The following LRRIQ1 variants were observed in gnomAD, a reference collection of about 807,000 sequenced individuals.
LRRIQ1 encodes leucine rich repeats and IQ motif containing 1, also known as leucine-rich repeat- and IQ domain-containing protein 1.
A neutral mutation model predicts 211.9 loss-of-function variants in LRRIQ1; 210 were observed. That is an observed-to-expected ratio of 0.99 (90% CI 0.89 to 1.11). The LOEUF is 1.11. Ranked by LOEUF, LRRIQ1 falls within the 50% of genes most tolerant of loss-of-function variation. The probability of loss-of-function intolerance (pLI) is 0.00; values close to 1 mark genes in which losing one functional copy is unlikely to be tolerated. For missense variants in LRRIQ1, 2,136 were observed against 1,939.5 expected (o/e 1.10, Z -1.90); for synonymous variants, 699 against 650.1 (o/e 1.08, Z -1.14).
At position 85,056,978 on chromosome 12, in the gene LRRIQ1, G is replaced by A. The variant is rs775456418; in HGVS notation, c.2185G>A (p.Val729Ile). ...TGAACCTGATAGCATGACCTGCTGT[G>A]TATCAGAGTCAACCCTTCTATATTC... ...APEPDSMTCC[V>I]SESTLLYSIE... The change falls in exon 8 of 27, where the codon GTA becomes ATA. Residue 729 changes from valine to isoleucine, a missense_variant. Physicochemically the swap from Val to Ile is conservative, Grantham distance 29 (BLOSUM62 3). Transcript: ENST00000393217. 1.1e-5 allele frequency: 18 copies of A among 1,610,302 alleles called. No homozygotes were observed. In the South Asian group the frequency reaches 1.4e-4, roughly 13 times the overall value.
intron 24 of LRRIQ1, among the ~76,000 whole-genome samples, chr12:85,184,461 G>A (rs1397520773): frequency 1.3e-5 from 2 of 151,964 alleles, no homozygotes; most frequent in African/African-American, 2.4e-5. Flanking sequence ...ATATAGATGT[G>A]TATGTGTATT....
intron 11 of LRRIQ1, among the ~76,000 whole-genome samples, chr12:85,087,556 AC>A (rs2136207520): frequency 6.6e-6 from 1 of 152,328 alleles, no homozygotes; most frequent in South Asian, 2.1e-4. Flanking sequence ...TTACAGTCCC[AC>A]CAACAGTGTA....
At chr12:85,163,060 G>A (rs1890977972) in intron 24 of LRRIQ1, among the ~76,000 whole-genome samples, 1 of 152,034 alleles carries the variant, frequency 6.6e-6, no homozygotes, top group Non-Finnish European at 1.5e-5. Flanking sequence ...CTGCTGCTCT[G>A]GAATTATTCA....
intron 24 of LRRIQ1, among the ~76,000 whole-genome samples, chr12:85,198,729 G>C (rs1194653006): frequency 6.6e-6 from 1 of 151,826 alleles, no homozygotes; most frequent in Non-Finnish European, 1.5e-5. Context: ...CTCCATGCTC[G>C]GCTAATTTTT....
chr12:85,164,701 GT>G, intron 24 of LRRIQ1, among the ~76,000 whole-genome samples: 1 of 152,124 alleles, frequency 6.6e-6, no homozygotes, highest in East Asian at 1.9e-4. Context: ...TAAAACAGTA[GT>G]ATTGAGAGAT....
intron 19 of LRRIQ1, among the ~76,000 whole-genome samples, chr12:85,139,998 GA>G (rs1287135655): frequency 2.8e-5 from 4 of 140,430 alleles, no homozygotes; most frequent in Admixed American, 7.5e-5. Flanking sequence ...TTATTCTCAG[GA>G]AAAAAAACTG....
rs190835206 is a variant in LRRIQ1, at chr12:85,152,607, A to G, written c.4419+238A>G. On this transcript the variant is annotated intron_variant, in intron 20 of 26. Transcript: ENST00000393217. ...TTTATTTCACAGTAGCAAAAGAAAA[A>G]AAATGATATGCTTCAGCTGCATATT... is the stretch of plus-strand genomic sequence containing the variant. 2.4e-4 allele frequency among the ~76,000 whole-genome samples: 36 copies of G among 151,822 alleles called. No individual in the cohort carries two copies. The East Asian group carries it at 5.1e-3, about 21-fold the overall frequency.
At chr12:85,038,856 G>T (rs906786571) in intron 2 of LRRIQ1, among the ~76,000 whole-genome samples, 6 of 151,164 alleles carry the variant, frequency 4.0e-5, no homozygotes, top group Non-Finnish European at 8.9e-5. Context: ...GATAGTTATT[G>T]TACATATGAT....
At chr12:85,115,917 G>A (rs1244569634) in intron 15 of LRRIQ1, among the ~76,000 whole-genome samples, 22 of 152,010 alleles carry the variant, frequency 1.4e-4, no homozygotes, top group Admixed American at 1.4e-3. Flanking sequence ...TGTTAAAGTA[G>A]CTCTTCATTT....
chr12:85,189,566 A>G (rs1180995812), intron 24 of LRRIQ1, among the ~76,000 whole-genome samples: 1 of 151,952 alleles, frequency 6.6e-6, no homozygotes, highest in Non-Finnish European at 1.5e-5. Context: ...ATTAAGAAGC[A>G]TAAAGGTATA....
At chr12:85,141,328 C>T (rs1000532987) in intron 19 of LRRIQ1, among the ~76,000 whole-genome samples, 1 of 151,010 alleles carries the variant, frequency 6.6e-6, no homozygotes. Context: ...GAGGGGCATT[C>T]TATGAGGTAT....
chr12:85,192,540 AATAT>A (rs530480198), intron 24 of LRRIQ1, among the ~76,000 whole-genome samples: 1 of 54,090 alleles, frequency 1.8e-5, no homozygotes, highest in East Asian at 2.6e-4. Context: ...ATTATATATA[AATAT>A]ATATAGTTAT....
downstream of LRRIQ1, among the ~76,000 whole-genome samples, chr12:85,245,959 C>T (rs1895699836): frequency 6.6e-6 from 1 of 150,912 alleles, no homozygotes; most frequent in Non-Finnish European, 1.5e-5. Flanking sequence ...TTCAGTGATC[C>T]AGATTGTGCT....
intron 24 of LRRIQ1, among the ~76,000 whole-genome samples, chr12:85,164,291 A>T (rs1189001556): frequency 6.6e-6 from 1 of 151,976 alleles, no homozygotes; most frequent in African/African-American, 2.4e-5. Flanking sequence ...ATTAGTGTAG[A>T]TTCTGGAGTT....
chr12:85,225,266 C>T (rs969832515), intron 24 of LRRIQ1, among the ~76,000 whole-genome samples: 5 of 152,216 alleles, frequency 3.3e-5, no homozygotes, highest in Admixed American at 6.5e-5. Context: ...CATTTCCTAT[C>T]AGGGACTTGA....
chr12:85,098,318 G>A, intron 11 of LRRIQ1, 37 bp from the exon 12 acceptor site: 1 of 1,388,662 alleles, frequency 7.2e-7, no homozygotes, highest in Non-Finnish European at 1.0e-6. Context: ...CTGGAAGACT[G>A]TATGACACAG....
Position 85,104,066 on chromosome 12 carries a change from A to T in LRRIQ1, c.3272A>T (p.Asn1091Ile). ...VSLEKLDVSH[N>I]CLSDLKSAIK... ...TTGGAAAAGCTAGATGTCAGCCACA[A>T]TTGTCTTTCTGGTAAGTTTAGCATA... The change falls in exon 14 of 27, where the codon AAT (asparagine) becomes ATT (isoleucine). Residue 1091 changes from asparagine to isoleucine, a missense_variant. Coordinates refer to ENST00000393217, the MANE Select transcript of LRRIQ1 (RefSeq NM_001079910.2). 1 of 1,545,650 alleles carries T rather than the reference A, an allele frequency of 6.5e-7. No individual in the cohort carries two copies. The highest frequency in any genetic ancestry group is 8.8e-7 in the Non-Finnish European group (1 of 1,142,186).
At chr12:85,228,424 C>T (rs1391020632) in intron 24 of LRRIQ1, among the ~76,000 whole-genome samples, 3 of 152,044 alleles carry the variant, frequency 2.0e-5, no homozygotes, top group Non-Finnish European at 4.4e-5. Flanking sequence ...GAAGAGTTGG[C>T]CTAAGTTCAG....
intron 15 of LRRIQ1, among the ~76,000 whole-genome samples, chr12:85,120,330 G>A (rs1354816705): frequency 6.6e-6 from 1 of 152,158 alleles, no homozygotes; most frequent in East Asian, 1.9e-4. Context: ...CTTTGCCAAA[G>A]ATCAGTTCGC....
Sources: allele counts gnomAD v4.1 joint callset (sites outside exome capture counted in the v4.1 genomes callset), GRCh38; gene constraint gnomAD v4.1.1; transcripts MANE v1.5; gene names NCBI Gene and HGNC (gene_info 2026-07-23, HGNC 2026-07-21).